Variants in DMD observed in about 807,000 individuals in gnomAD.
DMD encodes dystrophin.
Under a neutral mutation model 330.1 loss-of-function variants are expected in DMD, and 63 were observed. That is an observed-to-expected ratio of 0.19 (90% CI 0.16 to 0.24). DMD has a LOEUF of 0.24. Among genes scored for constraint, DMD ranks in the 10% least tolerant of loss-of-function variants. The probability of loss-of-function intolerance (pLI) is 1.00; values close to 1 mark genes in which losing one functional copy is unlikely to be tolerated. For synonymous variants in DMD, 1,223 were observed against 959.8 expected (o/e 1.27, Z -5.07); for missense variants, 3,344 against 2,684.1 (o/e 1.25, Z -5.43).
intron 3 of DMD, among the ~76,000 whole-genome samples, chrX:32,846,949 G>C (rs147032433): frequency 1.8e-5 from 2 of 109,546 alleles, no homozygotes; most frequent in South Asian, 8.0e-4. Flanking sequence ...AGAGGTTGCA[G>C]TGAGCCAAGA....
Position 31,679,519 on chromosome X carries a change from A to G in DMD, c.7728T>C (p.Asn2576=), listed in dbSNP as rs1801188. The G allele has an allele frequency of 0.2, 236,867 of 1,209,378 alleles. 16,866 individuals are homozygous for G. The highest frequency in any genetic ancestry group is 0.39 in the East Asian group (13,291 of 33,668). Residue 2576 remains asparagine, a synonymous_variant, in exon 53 of 79, where the codon AAT becomes AAC. Coordinates refer to ENST00000357033, the MANE Select transcript of DMD (RefSeq NM_004006.3). ...EHLQNRRQQL[N]EMLKDSTQWL... is the part of the protein sequence containing the mutation. ...ATTGTGTTGAATCCTTTAACATTTC[A>G]TTCAACTGTTGCCTCCGGTTCTGAA...
At chrX:32,997,512 G>A (rs1233321701) in intron 2 of DMD, among the ~76,000 whole-genome samples, 4 of 111,879 alleles carry the variant, frequency 3.6e-5, no homozygotes, top group Non-Finnish European at 5.6e-5. Context: ...CCAAAGTTCT[G>A]GGGTTATAGG....
At chrX:31,255,862 G>A (rs765437092) in intron 63 of DMD, among the ~76,000 whole-genome samples, 17 of 97,432 alleles carry the variant, frequency 1.7e-4, no homozygotes, top group Non-Finnish European at 3.4e-4. Context: ...TGCAACCTCC[G>A]ACTCCTGGGT....
intron 25 of DMD, among the ~76,000 whole-genome samples, chrX:32,461,087 G>A (rs2098381831): frequency 9.0e-6 from 1 of 111,447 alleles, no homozygotes; most frequent in Non-Finnish European, 1.9e-5. Flanking sequence ...ATCTTCAAAT[G>A]TATCAGATAT....
At position 32,745,643 on chromosome X, in the gene DMD, C is replaced by T. The variant is rs183626648; in HGVS notation, c.650-46350G>A. Among the ~76,000 whole-genome samples the T allele has an allele frequency of 1.3e-4, 14 of 111,969 alleles. No individual in the cohort carries two copies. The East Asian group carries it at 2.3e-3, about 18-fold the overall frequency. ...CAAATGTGCTTTGAGAAATAAAAAG[C>T]GAGTGAATATACTGGTGTTTCTATT... is the stretch of plus-strand genomic sequence containing the variant. On this transcript the variant is annotated intron_variant, in intron 7 of 78. Transcript: ENST00000357033.
At chrX:31,378,711 C>A (rs2060009023) in intron 60 of DMD, among the ~76,000 whole-genome samples, 1 of 109,212 alleles carries the variant, frequency 9.2e-6, no homozygotes, top group African/African-American at 3.4e-5. Flanking sequence ...AAGAACCCCC[C>A]ACCCCTTCTC....
intron 49 of DMD, among the ~76,000 whole-genome samples, chrX:31,834,582 G>T (rs920606183): frequency 1.8e-5 from 2 of 111,401 alleles, no homozygotes; most frequent in Non-Finnish European, 1.9e-5. Context: ...TGGGATTACA[G>T]GCGCCTGCCA....
chrX:32,038,513 C>T (rs925821139), intron 44 of DMD, among the ~76,000 whole-genome samples: 9 of 110,935 alleles, frequency 8.1e-5, no homozygotes, highest in Non-Finnish European at 1.3e-4. Context: ...TATCTCTGGG[C>T]GAGGTCATCA....
chrX:31,911,653 CA>C (rs1444787780), intron 47 of DMD, among the ~76,000 whole-genome samples: 1 of 111,695 alleles, frequency 9.0e-6, no homozygotes, highest in Non-Finnish European at 1.9e-5. Context: ...CTCGCAATGT[CA>C]AAAACACATT....
intron 55 of DMD, among the ~76,000 whole-genome samples, chrX:31,529,032 G>T (rs2073470538): frequency 1.8e-5 from 2 of 110,970 alleles, no homozygotes; most frequent in South Asian, 7.7e-4. Context: ...GAACAGCCTG[G>T]CCAACATGGC....
chrX:33,332,201 G>C (rs1408836666), intron 1 of DMD, among the ~76,000 whole-genome samples: 1 of 111,270 alleles, frequency 9.0e-6, no homozygotes, highest in Non-Finnish European at 1.9e-5. Context: ...TCTGCACAGA[G>C]TCTATAAATT....
intron 37 of DMD, among the ~76,000 whole-genome samples, chrX:32,349,553 C>G (rs774313894): frequency 1.8e-5 from 2 of 111,447 alleles, no homozygotes; most frequent in Non-Finnish European, 3.8e-5. Context: ...CTACCCTTCT[C>G]CAGTCACATT....
At chrX:32,690,668 A>G (rs1216862903) in intron 9 of DMD, among the ~76,000 whole-genome samples, 2 of 89,169 alleles carry the variant, frequency 2.2e-5, no homozygotes, top group South Asian at 3.8e-4. Flanking sequence ...AGAACAGAAT[A>G]GAGCCCAGAT....
At chrX:33,316,736 G>T (rs2053937469) in intron 1 of DMD, among the ~76,000 whole-genome samples, 1 of 110,709 alleles carries the variant, frequency 9.0e-6, no homozygotes, top group Non-Finnish European at 1.9e-5. Context: ...TATATACTAA[G>T]GTCTTCATGT....
chrX:31,206,500 AAC>A (rs1472153929), intron 66 of DMD, 80 bp downstream of exon 66: 1 of 844,761 alleles, frequency 1.2e-6, no homozygotes, highest in Non-Finnish European at 1.7e-6. Context: ...GTCAAATAAG[AAC>A]AGTCTGTCAT....
chrX:33,205,954 TG>T (rs774068180), intron 1 of DMD, among the ~76,000 whole-genome samples: 36 of 111,843 alleles, frequency 3.2e-4, no homozygotes, highest in Non-Finnish European at 3.2e-4. Context: ...TCTGATTTTT[TG>T]AAGTTTCTTT....
intron 60 of DMD, among the ~76,000 whole-genome samples, chrX:31,436,469 C>CAAA (rs199950204): frequency 7.9e-5 from 8 of 101,018 alleles, no homozygotes; most frequent in African/African-American, 2.8e-4. Flanking sequence ...CTGATGCCTT[C>CAAA]AAAAAAAAAA....
chrX:32,551,013 A>G (rs981834912), intron 16 of DMD, among the ~76,000 whole-genome samples: 2 of 111,032 alleles, frequency 1.8e-5, no homozygotes, highest in African/African-American at 6.5e-5. Flanking sequence ...CCAACCAGAA[A>G]AAGCCCAGGA....
chrX:32,590,223 C>T, intron 13 of DMD, among the ~76,000 whole-genome samples: 1 of 112,226 alleles, frequency 8.9e-6, no homozygotes, highest in South Asian at 3.7e-4. Flanking sequence ...AAAATTATTC[C>T]TTCAGGCAAT....
Sources: allele counts gnomAD v4.1 joint callset (sites outside exome capture counted in the v4.1 genomes callset), GRCh38; gene constraint gnomAD v4.1.1; transcripts MANE v1.5; gene names NCBI Gene and HGNC (gene_info 2026-07-23, HGNC 2026-07-21).